Variants in WWOX observed in about 807,000 individuals in gnomAD.
WWOX encodes the protein WW domain-containing oxidoreductase.
Under a neutral mutation model 46.2 loss-of-function variants are expected in WWOX, and 69 were observed. The observed-to-expected ratio is 1.49, with a 90% CI of 1.23 to 1.82. The LOEUF (loss-of-function observed/expected upper bound fraction) is 1.82. Ranked by LOEUF, WWOX falls within the 40% of genes most tolerant of loss-of-function variation. The pLI, the probability that WWOX is intolerant of heterozygous loss-of-function variation, is 0.00. For missense variants in WWOX, 919 were observed against 542.6 expected, an observed-to-expected ratio of 1.69 and a Z score of -6.89; for synonymous variants, 359 against 202.6, an observed-to-expected ratio of 1.77 and a Z score of -6.56.
chr16:78,400,780 A>G (rs1364032985), intron 6 of WWOX, among the ~76,000 whole-genome samples: 1 of 152,034 alleles, frequency 6.6e-6, no homozygotes, highest in Non-Finnish European at 1.5e-5. Flanking sequence ...CAATGAATAC[A>G]CTGTTACCCC....
At chr16:78,915,585 G>A (rs1480971451) in intron 8 of WWOX, among the ~76,000 whole-genome samples, 1 of 152,122 alleles carries the variant, frequency 6.6e-6, no homozygotes, top group Non-Finnish European at 1.5e-5. Flanking sequence ...ATTGCACTGT[G>A]ACATTGCTGG....
chr16:78,340,284 C>A (rs541542131), intron 5 of WWOX, among the ~76,000 whole-genome samples: 1 of 116,210 alleles, frequency 8.6e-6, no homozygotes, highest in African/African-American at 2.9e-5. Context: ...GCAACCTCCA[C>A]CTCCCAGGTT....
intron 5 of WWOX, among the ~76,000 whole-genome samples, chr16:78,170,180 G>A (rs144394853): frequency 1.8e-3 from 274 of 152,266 alleles, no homozygotes; most frequent in African/African-American, 5.8e-3. Flanking sequence ...GGTGCAAATC[G>A]TCCCCAGTTC....
At chr16:78,480,657 A>T (rs2084463555) in intron 8 of WWOX, among the ~76,000 whole-genome samples, 1 of 152,218 alleles carries the variant, frequency 6.6e-6, no homozygotes, top group South Asian at 2.1e-4. Context: ...TAGTACACAG[A>T]TGCACTGACA....
At chr16:78,722,509 A>C (rs1318812320) in intron 8 of WWOX, among the ~76,000 whole-genome samples, 1 of 152,158 alleles carries the variant, frequency 6.6e-6, no homozygotes, top group East Asian at 1.9e-4. Flanking sequence ...TGTTGTGATT[A>C]TGATCATATT....
chr16:79,014,503 C>T (rs924969431), intron 8 of WWOX, among the ~76,000 whole-genome samples: 4 of 152,148 alleles, frequency 2.6e-5, no homozygotes, highest in Non-Finnish European at 2.9e-5. Context: ...GAAATCCAGC[C>T]GTTGCTCCAG....
chr16:78,679,977 C>G (rs1275648833), intron 8 of WWOX, among the ~76,000 whole-genome samples: 1 of 152,236 alleles, frequency 6.6e-6, no homozygotes, highest in African/African-American at 2.4e-5. Flanking sequence ...TGGCTTAGGA[C>G]CCCAGCCCTA....
intron 4 of WWOX, among the ~76,000 whole-genome samples, chr16:78,151,794 C>T (rs760827582): frequency 6.6e-6 from 1 of 152,200 alleles, no homozygotes; most frequent in Non-Finnish European, 1.5e-5. Flanking sequence ...TTTCCTGCCC[C>T]CAACCGGTAA....
intron 8 of WWOX, among the ~76,000 whole-genome samples, chr16:78,908,876 A>T (rs931630403): frequency 2.6e-4 from 40 of 152,222 alleles, no homozygotes; most frequent in African/African-American, 8.4e-4. Flanking sequence ...TAGTGACATT[A>T]TCCCCTGGAG....
chr16:78,692,003 T>C (rs147935710), intron 8 of WWOX, among the ~76,000 whole-genome samples: 1,529 of 152,272 alleles, frequency 0.01, 13 homozygotes, highest in African/African-American at 0.026. Context: ...TTCCTCATTT[T>C]CTCTTGCCAC....
intron 8 of WWOX, chr16:78,891,794 A>G (rs2044596283): frequency 6.6e-6 from 1 of 152,190 alleles, no homozygotes; most frequent in East Asian, 1.9e-4. Flanking sequence ...GAGCACTGAA[A>G]TGTCCCAGTG....
chr16:78,920,083 G>T (rs370329265), intron 8 of WWOX, among the ~76,000 whole-genome samples: 1 of 152,106 alleles, frequency 6.6e-6, no homozygotes, highest in East Asian at 1.9e-4. Context: ...GCCATAGCTT[G>T]CAAAAACAAA....
chr16:78,546,275 A>C (rs1597245121), intron 8 of WWOX, among the ~76,000 whole-genome samples: 1 of 152,322 alleles, frequency 6.6e-6, no homozygotes, highest in East Asian at 1.9e-4. Flanking sequence ...CTGAAGCATG[A>C]AAGGGAACAG....
intron 8 of WWOX, among the ~76,000 whole-genome samples, chr16:78,848,330 C>T (rs61413585): frequency 0.018 from 2,813 of 152,258 alleles, 72 homozygotes; most frequent in African/African-American, 0.06. Context: ...TTTGCCCCCA[C>T]AGACCTTCCC....
At chr16:79,040,123 C>A (rs1031667674) in intron 8 of WWOX, among the ~76,000 whole-genome samples, 11 of 152,086 alleles carry the variant, frequency 7.2e-5, no homozygotes, top group Admixed American at 2.0e-4. Flanking sequence ...AAGATTGGCT[C>A]ACATCAGTAA....
chr16:78,972,962 A>G (rs973960493), intron 8 of WWOX, among the ~76,000 whole-genome samples: 2 of 152,322 alleles, frequency 1.3e-5, no homozygotes, highest in African/African-American at 2.4e-5. Context: ...AGGTAAGGCA[A>G]GAGGCCCGTA....
intron 8 of WWOX, among the ~76,000 whole-genome samples, chr16:78,455,741 G>A (rs986637584): frequency 6.7e-6 from 1 of 148,222 alleles, no homozygotes; most frequent in South Asian, 2.1e-4. Flanking sequence ...TTATAGCAAA[G>A]GTTCAAGTAA....
chr16:78,614,815 G>A (rs1039966777), intron 8 of WWOX, among the ~76,000 whole-genome samples: 10 of 152,174 alleles, frequency 6.6e-5, no homozygotes, highest in Non-Finnish European at 1.3e-4. Context: ...GTTAACTTCT[G>A]GAATGCATGT....
intron 5 of WWOX, among the ~76,000 whole-genome samples, chr16:78,262,314 C>G (rs2079263172): frequency 6.6e-6 from 1 of 152,092 alleles, no homozygotes; most frequent in South Asian, 2.1e-4. Context: ...CAGAGAATCT[C>G]TGGTAGATAT....
Sources: allele counts gnomAD v4.1 joint callset (sites outside exome capture counted in the v4.1 genomes callset), GRCh38; gene constraint gnomAD v4.1.1; transcripts MANE v1.5; gene names NCBI Gene and HGNC (gene_info 2026-07-23, HGNC 2026-07-21).